ELFN1: variants seen among roughly 807,000 people sequenced by gnomAD.
The protein encoded by ELFN1 is extracellular leucine rich repeat and fibronectin type III domain containing 1.
ELFN1 carries 6 observed loss-of-function variants against 7.6 expected under a neutral mutation model. The observed-to-expected ratio is 0.79, with a 90% confidence interval of 0.43 to 1.56. The LOEUF (loss-of-function observed/expected upper bound fraction) is 1.56. Among genes scored for constraint, ELFN1 ranks in the 40% most tolerant of loss-of-function variants. The pLI, the probability that ELFN1 is intolerant of heterozygous loss-of-function variation, is 0.01. For synonymous variants in ELFN1, 657 were observed against 588.1 expected (o/e 1.12, Z -1.70); for missense variants, 1,169 against 1,232.2 (o/e 0.95, Z 0.77).
At position 1,690,917 on chromosome 7, in the gene ELFN1, T is replaced by A. The variant is rs555325817; in HGVS notation, c.-456+2767T>A. 1.2e-4 allele frequency among the ~76,000 whole-genome samples: 18 copies of A among 152,100 alleles called. No individual in the cohort carries two copies. In the South Asian group the frequency reaches 3.7e-3, roughly 32 times the overall value. On this transcript the variant is annotated intron_variant, in intron 2 of 3. Transcript: ENST00000424383. Reference sequence around the variant, plus strand: ...GAATGGATGCCTGAATGAGGGAGGATGTAGATTAATGATGATGGAAGTAGA... The same window carrying A: ...GAATGGATGCCTGAATGAGGGAGGAAGTAGATTAATGATGATGGAAGTAGA...
At chr7:1,681,521 C>T (rs1002109109) in intron 1 of ELFN1, among the ~76,000 whole-genome samples, 5 of 152,210 alleles carry the variant, frequency 3.3e-5, no homozygotes, top group Admixed American at 2.0e-4. Flanking sequence ...CACCACCATG[C>T]CCAGCTGATT....
chr7:1,718,660 C>T (rs1040817432), intron 3 of ELFN1, among the ~76,000 whole-genome samples: 1 of 152,120 alleles, frequency 6.6e-6, no homozygotes, highest in Non-Finnish European at 1.5e-5. Context: ...GATGTGCGGT[C>T]ACCCCACCTG....
rs568808670 is a variant in ELFN1, at chr7:1,697,678, C to A, written c.-456+9528C>A. Among the ~76,000 whole-genome samples the A allele has an allele frequency of 2.6e-5, 4 of 152,214 alleles. No homozygotes were observed. In the East Asian group the frequency reaches 7.7e-4, roughly 29 times the overall value. On this transcript the variant is annotated intron_variant, in intron 2 of 3. Coordinates refer to ENST00000424383, the MANE Select transcript of ELFN1 (RefSeq NM_001128636.4). Reference sequence around the variant, plus strand: ...GGGCGGTGTCCACTTCCTGCCCCCACCCCTCCTCCTTCCGGGACTTTATCT... The same window carrying A: ...GGGCGGTGTCCACTTCCTGCCCCCAACCCTCCTCCTTCCGGGACTTTATCT...
chr7:1,718,711 C>A (rs1323098370), intron 3 of ELFN1, among the ~76,000 whole-genome samples: 1 of 152,116 alleles, frequency 6.6e-6, no homozygotes, highest in Non-Finnish European at 1.5e-5. Flanking sequence ...AAGCTGAGGT[C>A]CTCGGTCACA....
rs1780575952 is a variant in ELFN1 at position 1,740,443 on chromosome 7, A to G, written c.-293-3861A>G. Reference sequence around the variant, plus strand: ...TGCCAGACAGCACTCCTTTCTAGAAATGTTGTTTAATGATCGGATCGCTGG... The same window carrying G: ...TGCCAGACAGCACTCCTTTCTAGAAGTGTTGTTTAATGATCGGATCGCTGG... On this transcript the variant is annotated intron_variant, in intron 3 of 3. Transcript: ENST00000424383. This position sits in a 1 kb window ranked among gnomAD's most constrained non-coding sequence, Gnocchi z 5.0. Among the ~76,000 whole-genome samples, 1 of 152,204 alleles carries G rather than the reference A, an allele frequency of 6.6e-6. No homozygotes were observed. The highest frequency in any genetic ancestry group is 2.4e-5 in the African/African-American group (1 of 41,450).
chr7:1,709,047 A>C (rs1288364119), intron 2 of ELFN1, 44 bp from the exon 3 acceptor site: 1 of 152,154 alleles, frequency 6.6e-6, no homozygotes, highest in African/African-American at 2.4e-5. Context: ...GCAGGAGGCG[A>C]TGCTCCATCT....
chr7:1,689,738 C>T (rs1021346835), intron 2 of ELFN1, among the ~76,000 whole-genome samples: 13 of 152,200 alleles, frequency 8.5e-5, no homozygotes, highest in Admixed American at 7.8e-4. Flanking sequence ...CAATCACGTG[C>T]CCATTACAGG....
chr7:1,708,475 T>C (rs1562368588), intron 2 of ELFN1, among the ~76,000 whole-genome samples: 1 of 152,206 alleles, frequency 6.6e-6, no homozygotes, highest in African/African-American at 2.4e-5. Flanking sequence ...GCCTCCTGAC[T>C]TAGTTTCCTT....
chr7:1,681,556 G>T (rs1162565290), intron 1 of ELFN1, among the ~76,000 whole-genome samples: 1 of 152,150 alleles, frequency 6.6e-6, no homozygotes, highest in Non-Finnish European at 1.5e-5. Flanking sequence ...TAGAGACTGG[G>T]TCTCGCCATG....
chr7:1,682,608 ATTTTT>A (rs58388763), intron 1 of ELFN1, among the ~76,000 whole-genome samples: 1 of 123,066 alleles, frequency 8.1e-6, no homozygotes. Context: ...GCCAGGATAA[ATTTTT>A]TTTTTTTTTT....
intron 1 of ELFN1, among the ~76,000 whole-genome samples, chr7:1,686,232 T>A (rs1225850747): frequency 6.6e-6 from 1 of 151,838 alleles, no homozygotes; most frequent in East Asian, 1.9e-4. Context: ...TGTGTAGTAA[T>A]TGACCTGGAC....
At chr7:1,723,858 A>G (rs1243121104) in intron 3 of ELFN1, among the ~76,000 whole-genome samples, 2 of 152,210 alleles carry the variant, frequency 1.3e-5, no homozygotes, top group Admixed American at 1.3e-4. Flanking sequence ...GTTGCAGTGC[A>G]CCTGACGCCC....
In ELFN1 at chr7:1,746,074, C is replaced by T; in HGVS notation, c.1478C>T (p.Ala493Val). ...LSQGPLLGPE[A>V]VTRIPYLPAA... ...CAGGGCCCGCTGCTGGGCCCCGAGG[C>T]CGTGACGCGCATCCCTTACCTGCCT... The change falls in exon 4 of 4, where the codon GCC becomes GTC. Residue 493 changes from alanine to valine, a missense_variant. By Grantham distance (64) the Ala-to-Val change is moderately conservative. Around this residue, in one of 2 missense-constraint regions of ELFN1, gnomAD observed 914 missense variants for 872.6 expected, o/e 1.05. Transcript: ENST00000424383. 6.5e-7 allele frequency: 1 copy of T among 1,547,062 alleles called. No individual in the cohort carries two copies. The highest frequency in any genetic ancestry group is 8.7e-7 in the Non-Finnish European group (1 of 1,145,268).
At chr7:1,734,023 G>A (rs935129964) in intron 3 of ELFN1, among the ~76,000 whole-genome samples, 1 of 152,150 alleles carries the variant, frequency 6.6e-6, no homozygotes, top group Non-Finnish European at 1.5e-5. Context: ...GGAGGTCAGG[G>A]TACTACTAGG....
intron 3 of ELFN1, among the ~76,000 whole-genome samples, chr7:1,714,492 C>T (rs949873609): frequency 1.3e-5 from 2 of 152,166 alleles, no homozygotes; most frequent in Non-Finnish European, 2.9e-5. Context: ...ATTTATAGCA[C>T]TACTACAAAT....
intron 2 of ELFN1, among the ~76,000 whole-genome samples, chr7:1,696,801 C>G (rs1237032328): frequency 6.6e-6 from 1 of 152,222 alleles, no homozygotes; most frequent in Non-Finnish European, 1.5e-5. Context: ...TGCCTCCTCT[C>G]ATCAGCCGGG....
At chr7:1,733,837 C>A (rs1371019645) in intron 3 of ELFN1, among the ~76,000 whole-genome samples, 2 of 152,122 alleles carry the variant, frequency 1.3e-5, no homozygotes, top group African/African-American at 2.4e-5. Context: ...GCCCACACGC[C>A]TGTGCACCTG....
At chr7:1,697,783 T>C (rs1055325477) in intron 2 of ELFN1, among the ~76,000 whole-genome samples, 1 of 152,192 alleles carries the variant, frequency 6.6e-6, no homozygotes, top group Non-Finnish European at 1.5e-5. Flanking sequence ...TTAAAAATTG[T>C]TTAATCGTAA....
intron 1 of ELFN1, among the ~76,000 whole-genome samples, chr7:1,677,986 T>C (rs962228916): frequency 2.0e-5 from 3 of 152,108 alleles, no homozygotes; most frequent in African/African-American, 7.2e-5. Flanking sequence ...TTCATTACAT[T>C]GTCCCCACAG....
Sources: gnomAD v4.1 joint callset for allele counts (sites outside exome capture counted in the v4.1 genomes callset) on GRCh38, gnomAD v4.1.1 for gene constraint, gnomAD v4.1.1 regional missense constraint, Gnocchi (gnomAD v3.1) non-coding constraint, MANE v1.5 for transcripts, NCBI Gene and HGNC (gene_info 2026-07-23, HGNC 2026-07-21) for gene names.